Variants in LRMDA observed in about 807,000 individuals in gnomAD.
The protein encoded by LRMDA is leucine rich melanocyte differentiation associated.
In LRMDA, 18 loss-of-function variants were observed where a neutral mutation model predicts 29.8. The observed-to-expected ratio is 0.60, with a 90% CI of 0.42 to 0.90. The LOEUF (loss-of-function observed/expected upper bound fraction) is 0.90, where lower values mean the gene tolerates loss of function less well. Among genes scored for constraint, LRMDA ranks in the 40% least tolerant of loss-of-function variants. LRMDA has a pLI of 0.00. For synonymous variants in LRMDA, 125 were observed against 109.4 expected, an observed-to-expected ratio of 1.14 and a Z score of -0.89; for missense variants, 273 against 273.9, an observed-to-expected ratio of 1.00 and a Z score of 0.02.
chr10:75,978,814 T>A (rs1847117810), intron 2 of LRMDA, among the ~76,000 whole-genome samples: 1 of 152,182 alleles, frequency 6.6e-6, no homozygotes, highest in Admixed American at 6.5e-5. Flanking sequence ...ATTTCACAGA[T>A]CTCCTACAGT....
rs16932467 is a variant in LRMDA, at chr10:75,650,655, G to A, written c.131+212161G>A. ...GAAAAGGAAAGGTGATAGTATTGGC[G>A]ATTTTAAAGTCAACAGAGAAAACAG... On this transcript the variant is annotated intron_variant, in intron 2 of 6. Transcript: ENST00000611255. Among the ~76,000 whole-genome samples the A allele has an allele frequency of 7.6e-4, 116 of 152,180 alleles. No homozygotes were observed. The South Asian group carries it at 0.013, about 17-fold the overall frequency.
In LRMDA at chr10:76,528,019, A is replaced by T. The variant is rs555432468; in HGVS notation, c.602-29190A>T. 3.3e-5 allele frequency among the ~76,000 whole-genome samples: 5 copies of T among 152,284 alleles called. No homozygotes were observed. In the South Asian group the frequency reaches 1.0e-3, roughly 32 times the overall value. On this transcript the variant is annotated intron_variant, in intron 6 of 6. Coordinates refer to ENST00000611255, the MANE Select transcript of LRMDA (RefSeq NM_001305581.2). ...GCTTAAAAAGTAAAGCAACTCTTGGATATAATATTTCCACTTATTAAACTA... is the reference window on the plus strand; with the variant it reads ...GCTTAAAAAGTAAAGCAACTCTTGGTTATAATATTTCCACTTATTAAACTA...
At position 76,429,023 on chromosome 10, in the gene LRMDA, TACACAC is replaced by T. The variant is rs140684832; in HGVS notation, c.601+104550_601+104555del. ...GATGAGGAAATAACCCTGCCAATTATACACACACACACACACAAACACACACACACA... is the reference window on the plus strand; with the variant it reads ...GATGAGGAAATAACCCTGCCAATTATACACACACACAAACACACACACACA... On this transcript the variant is annotated intron_variant, in intron 6 of 6. Coordinates refer to ENST00000611255, the MANE Select transcript of LRMDA (RefSeq NM_001305581.2). 4.0e-3 allele frequency among the ~76,000 whole-genome samples: 600 copies of T among 149,956 alleles called. 5 individuals are homozygous for T. The highest frequency in any genetic ancestry group is 0.014 in the African/African-American group (582 of 40,830).
chr10:76,327,754 AC>A (rs1469127157), intron 6 of LRMDA, among the ~76,000 whole-genome samples: 1 of 152,192 alleles, frequency 6.6e-6, no homozygotes, highest in Non-Finnish European at 1.5e-5. Flanking sequence ...GGGGGTGAAC[AC>A]ACTAAAGGGA....
At chr10:76,532,628 A>T (rs1033353498) in intron 6 of LRMDA, among the ~76,000 whole-genome samples, 18 of 152,190 alleles carry the variant, frequency 1.2e-4, no homozygotes, top group Admixed American at 1.3e-4. Flanking sequence ...GGAACCATTA[A>T]TTCTGCCAAG....
intron 2 of LRMDA, among the ~76,000 whole-genome samples, chr10:75,704,501 G>T (rs1349859697): frequency 6.6e-6 from 1 of 152,170 alleles, no homozygotes; most frequent in Non-Finnish European, 1.5e-5. Flanking sequence ...CATGGTGCAG[G>T]ACCATTATCC....
At chr10:75,654,460 G>T (rs1841641815) in intron 2 of LRMDA, among the ~76,000 whole-genome samples, 1 of 152,174 alleles carries the variant, frequency 6.6e-6, no homozygotes, top group African/African-American at 2.4e-5. Context: ...GGAGGATGGA[G>T]GCCACCAGAT....
chr10:75,978,536 T>C (rs1011974286), intron 2 of LRMDA, among the ~76,000 whole-genome samples: 1 of 152,170 alleles, frequency 6.6e-6, no homozygotes, highest in Non-Finnish European at 1.5e-5. Flanking sequence ...ATGGAATCGT[T>C]TAGCTTGGCA....
At chr10:75,437,110 T>G (rs892114128) in intron 1 of LRMDA, among the ~76,000 whole-genome samples, 2 of 152,204 alleles carry the variant, frequency 1.3e-5, no homozygotes, top group Non-Finnish European at 2.9e-5. Flanking sequence ...TTGTCAGCAG[T>G]TTGTCCTCAT....
chr10:75,686,441 G>A lies in LRMDA; in HGVS notation c.131+247947G>A, dbSNP rs186466362. Among the ~76,000 whole-genome samples, 510 of 152,262 alleles carry A rather than the reference G, an allele frequency of 3.3e-3. 4 individuals carry two copies. The highest frequency in any genetic ancestry group is 0.012 in the African/African-American group (487 of 41,536). On this transcript the variant is annotated intron_variant, in intron 2 of 6. Transcript: ENST00000611255. ...CGTGTTTTCTCCATGGTGCTTGCTTGTTCATAAGACTGACTTAATGGCTGT... is the reference window on the plus strand; with the variant it reads ...CGTGTTTTCTCCATGGTGCTTGCTTATTCATAAGACTGACTTAATGGCTGT...
At chr10:76,133,377 C>G (rs1850034948) in intron 5 of LRMDA, among the ~76,000 whole-genome samples, 1 of 152,042 alleles carries the variant, frequency 6.6e-6, no homozygotes, top group African/African-American at 2.4e-5. Flanking sequence ...GCTTGACAGC[C>G]TGGCCTTTGA....
intron 2 of LRMDA, among the ~76,000 whole-genome samples, chr10:75,981,929 C>G (rs1847179597): frequency 6.6e-6 from 1 of 151,752 alleles, no homozygotes; most frequent in Non-Finnish European, 1.5e-5. Flanking sequence ...TTTCATACAC[C>G]AGGTACAGCT....
At chr10:76,122,843 C>T (rs150001260) in intron 5 of LRMDA, among the ~76,000 whole-genome samples, 337 of 152,238 alleles carry the variant, frequency 2.2e-3, no homozygotes, top group African/African-American at 7.8e-3. Flanking sequence ...AAAGCTGATT[C>T]GGCATTTAGT....
intron 2 of LRMDA, among the ~76,000 whole-genome samples, chr10:75,698,600 A>G (rs7072005): frequency 4.5e-4 from 54 of 119,936 alleles, no homozygotes; most frequent in Non-Finnish European, 6.5e-4. Flanking sequence ...ACAGTGGTCC[A>G]TAGTGACACC....
At chr10:76,018,264 T>A (rs1167427874) in intron 2 of LRMDA, among the ~76,000 whole-genome samples, 1 of 152,190 alleles carries the variant, frequency 6.6e-6, no homozygotes. Flanking sequence ...TCCTGCATAT[T>A]GTATGATGTT....
intron 5 of LRMDA, among the ~76,000 whole-genome samples, chr10:76,210,902 T>G (rs1851622812): frequency 6.6e-6 from 1 of 152,194 alleles, no homozygotes; most frequent in South Asian, 2.1e-4. Context: ...TTTAATTTAT[T>G]TATTGGATGT....
intron 2 of LRMDA, among the ~76,000 whole-genome samples, chr10:75,613,771 C>T (rs994004977): frequency 1.2e-4 from 18 of 152,164 alleles, no homozygotes; most frequent in Non-Finnish European, 1.9e-4. Context: ...TGACCAGATT[C>T]GGTTTCTACA....
At chr10:76,134,116 C>A (rs1232002017) in intron 5 of LRMDA, among the ~76,000 whole-genome samples, 3 of 152,200 alleles carry the variant, frequency 2.0e-5, no homozygotes, top group African/African-American at 7.2e-5. Flanking sequence ...CTGCAGCTGA[C>A]CCTTTGCTTT....
At chr10:75,844,924 C>T (rs1844606821) in intron 2 of LRMDA, among the ~76,000 whole-genome samples, 1 of 152,132 alleles carries the variant, frequency 6.6e-6, no homozygotes. Context: ...AAAGGGGTCA[C>T]GTCAGTTGCT....
Sources: allele counts gnomAD v4.1 joint callset (sites outside exome capture counted in the v4.1 genomes callset), GRCh38; gene constraint gnomAD v4.1.1; transcripts MANE v1.5; gene names NCBI Gene and HGNC (gene_info 2026-07-23, HGNC 2026-07-21).